Variants in PIBF1 observed in about 807,000 individuals in gnomAD.
PIBF1 encodes progesterone-induced-blocking factor 1.
PIBF1 carries 90 observed loss-of-function variants against 112.5 expected under a neutral mutation model. The ratio of observed to expected loss-of-function variants is 0.80; its 90% CI spans 0.67 to 0.95. The LOEUF (loss-of-function observed/expected upper bound fraction) is 0.95, where lower values mean the gene tolerates loss of function less well. Ranked by LOEUF, PIBF1 falls within the 40% of genes least tolerant of loss-of-function variation. The pLI is 0.00. For synonymous variants in PIBF1, 301 were observed against 288.6 expected, an observed-to-expected ratio of 1.04 and a Z score of -0.44; for missense variants, 915 against 852.3, an observed-to-expected ratio of 1.07 and a Z score of -0.92.
At chr13:72,809,967 T>A (rs769140067) in intron 5 of PIBF1, among the ~76,000 whole-genome samples, 1 of 152,184 alleles carries the variant, frequency 6.6e-6, no homozygotes, top group African/African-American at 2.4e-5. Context: ...GATTTCCTTT[T>A]GTAATTTTTT....
chr13:72,937,823 AT>A (rs1226210040), intron 14 of PIBF1, among the ~76,000 whole-genome samples: 1 of 152,218 alleles, frequency 6.6e-6, no homozygotes, highest in African/African-American at 2.4e-5. Flanking sequence ...TCAAAAAAAA[AT>A]AAATGAAATG....
At chr13:72,839,373 AC>A (rs1428606171) in intron 9 of PIBF1, among the ~76,000 whole-genome samples, 2 of 152,226 alleles carry the variant, frequency 1.3e-5, no homozygotes, top group Non-Finnish European at 2.9e-5. Context: ...AGTTTTTAAA[AC>A]ATTAGAAAAT....
chr13:72,986,751 C>G lies in PIBF1; in HGVS notation c.2050-12071C>G, dbSNP rs1435152675. On this transcript the variant is annotated intron_variant, in intron 16 of 17. Transcript: ENST00000326291. ...CAGGCCGGACTGCGGACTGCAGTGG[C>G]GCAATCTCGGCTCACTGCAAGCTCC... 3.5e-5 allele frequency among the ~76,000 whole-genome samples: 5 copies of G among 143,222 alleles called. No homozygotes were observed. The Admixed American group carries it at 3.8e-4, about 11-fold the overall frequency. 94.0% of individuals were successfully genotyped at this position (143,222 alleles called of 152,430 possible). A position where few individuals can be genotyped will look rare whatever the true frequency, so the allele number is the denominator to read the frequency against.
intron 13 of PIBF1, among the ~76,000 whole-genome samples, chr13:72,920,225 G>A (rs963601472): frequency 1.3e-5 from 2 of 152,132 alleles, no homozygotes; most frequent in African/African-American, 4.8e-5. Flanking sequence ...CTATCTATGT[G>A]CCTTGAACAT....
At chr13:73,014,112 T>C (rs1229388626) in intron 17 of PIBF1, among the ~76,000 whole-genome samples, 1 of 134,536 alleles carries the variant, frequency 7.4e-6, no homozygotes, top group African/African-American at 2.8e-5. Flanking sequence ...TAGCTGGGAC[T>C]ACAGGCGCAT....
At chr13:72,945,557 A>T (rs997338231) in intron 14 of PIBF1, among the ~76,000 whole-genome samples, 1 of 152,200 alleles carries the variant, frequency 6.6e-6, no homozygotes, top group African/African-American at 2.4e-5. Context: ...TTGACTTTTT[A>T]ATAAAAGCTA....
At position 73,016,203 on chromosome 13, in the gene PIBF1, T is replaced by TGGG; in HGVS notation, c.*284_*285insGGG. On this transcript the variant is annotated 3_prime_UTR_variant, in exon 18 of 18. Coordinates refer to ENST00000326291, the MANE Select transcript of PIBF1 (RefSeq NM_006346.4). ...TTTAAGTGTGTGGCTTATAAATATTTTGGTATTTTTCTATACTACGTAAAT... is the reference window on the plus strand; with the variant it reads ...TTTAAGTGTGTGGCTTATAAATATTTGGGTGGTATTTTTCTATACTACGTAAAT... The TGGG allele has an allele frequency of 9.9e-6, 1 of 101,052 alleles. No homozygotes were observed. Among genetic ancestry groups the TGGG allele is most frequent in the Non-Finnish European group, 2.3e-5 (1 of 42,914 alleles). 6.3% of individuals were successfully genotyped at this position (101,052 alleles called of 1,614,324 possible).
intron 10 of PIBF1, among the ~76,000 whole-genome samples, chr13:72,872,743 A>T (rs2039219255): frequency 6.6e-6 from 1 of 152,188 alleles, no homozygotes; most frequent in South Asian, 2.1e-4. Flanking sequence ...CTTTAGCAAG[A>T]TTATAGGATA....
chr13:72,988,502 G>T (rs1007999760), intron 16 of PIBF1, among the ~76,000 whole-genome samples: 10 of 152,070 alleles, frequency 6.6e-5, no homozygotes, highest in African/African-American at 2.4e-4. Context: ...AATCTGTTTT[G>T]TCCTTTATGT....
intron 5 of PIBF1, among the ~76,000 whole-genome samples, chr13:72,808,381 G>T (rs2035841989): frequency 6.6e-6 from 1 of 152,118 alleles, no homozygotes; most frequent in African/African-American, 2.4e-5. Context: ...TTAGAAATGG[G>T]TCACATGTTC....
chr13:72,901,913 G>A (rs1269678853), intron 11 of PIBF1, among the ~76,000 whole-genome samples: 1 of 151,334 alleles, frequency 6.6e-6, no homozygotes, highest in Non-Finnish European at 1.5e-5. Flanking sequence ...GCACACACAT[G>A]TTTATAGCAG....
Position 72,783,554 on chromosome 13 carries a change from G to A in PIBF1, c.85G>A (p.Val29Ile). ...ESEDISLETTVPTDDISSSEE... is the reference protein window; with the variant it reads ...ESEDISLETTIPTDDISSSEE... The stretch of plus-strand genomic sequence containing the variant: ...TGAAGATATTAGTTTAGAAACAACA[G>A]TTCCTACGGATGATATTTCCTCATC... Residue 29 changes from valine to isoleucine, a missense_variant, in exon 2 of 18, where the codon GTT becomes ATT. By Grantham distance (29) the Val-to-Ile change is conservative. Transcript: ENST00000326291. The A allele has an allele frequency of 6.2e-7, 1 of 1,613,832 alleles. No homozygotes were observed. Among genetic ancestry groups the A allele is most frequent in the South Asian group, 1.1e-5 (1 of 91,072 alleles).
intron 10 of PIBF1, among the ~76,000 whole-genome samples, chr13:72,885,029 C>A (rs950771910): frequency 6.6e-6 from 1 of 152,066 alleles, no homozygotes; most frequent in Non-Finnish European, 1.5e-5. Context: ...CGCATAGATT[C>A]CTAAAATTGT....
intron 17 of PIBF1, among the ~76,000 whole-genome samples, chr13:73,012,008 A>AC (rs964140313): frequency 5.3e-5 from 8 of 151,698 alleles, no homozygotes; most frequent in Non-Finnish European, 1.0e-4. Flanking sequence ...CTAAGAAAGA[A>AC]CCCCCCCAAA....
In PIBF1 at chr13:72,877,143, G is replaced by A. The variant is rs181671426; in HGVS notation, c.1323-16641G>A. On this transcript the variant is annotated intron_variant, in intron 10 of 17. Coordinates refer to ENST00000326291, the MANE Select transcript of PIBF1 (RefSeq NM_006346.4). ...CTACATCTATTGACAGGATCATGTGGTTTTTTTCTTCCTCAGCTTGTTGAT... is the reference window on the plus strand; with the variant it reads ...CTACATCTATTGACAGGATCATGTGATTTTTTTCTTCCTCAGCTTGTTGAT... Among the ~76,000 whole-genome samples, 176 of 152,218 alleles carry A rather than the reference G, an allele frequency of 1.2e-3. 2 individuals are homozygous for A. The highest frequency in any genetic ancestry group is 3.9e-3 in the African/African-American group (162 of 41,536).
chr13:72,901,221 C>A (rs1015319830), intron 11 of PIBF1: 5 of 237,458 alleles, frequency 2.1e-5, no homozygotes, highest in Non-Finnish European at 4.3e-5. Flanking sequence ...GTAAAAAAAA[C>A]AATCCCATCA....
intron 11 of PIBF1, among the ~76,000 whole-genome samples, chr13:72,898,682 CAAA>C (rs202190689): frequency 8.3e-6 from 1 of 120,108 alleles, no homozygotes; most frequent in African/African-American, 3.5e-5. Context: ...ACTAAAAATG[CAAA>C]AAAAAAAAAA....
intron 14 of PIBF1, among the ~76,000 whole-genome samples, chr13:72,939,433 T>C (rs1275314686): frequency 6.6e-6 from 1 of 152,174 alleles, no homozygotes; most frequent in Non-Finnish European, 1.5e-5. Flanking sequence ...TTTATTTCTG[T>C]GGATTTACTT....
chr13:72,908,727 C>G (rs2040793732), intron 12 of PIBF1, 46 bp downstream of exon 12: 1 of 1,527,384 alleles, frequency 6.5e-7, no homozygotes, highest in African/African-American at 1.4e-5. Flanking sequence ...TTTTTTCTGG[C>G]AACAAAAGAC....
Sources: gnomAD v4.1 joint callset for allele counts (sites outside exome capture counted in the v4.1 genomes callset) on GRCh38, gnomAD v4.1.1 for gene constraint, MANE v1.5 for transcripts, NCBI Gene and HGNC (gene_info 2026-07-23, HGNC 2026-07-21) for gene names.